Variants in RNF130 observed in about 807,000 individuals in gnomAD.
RNF130 encodes E3 ubiquitin-protein ligase RNF130.
Under a neutral mutation model 44.6 loss-of-function variants are expected in RNF130, and 21 were observed. That is an observed-to-expected ratio of 0.47 (90% CI 0.33 to 0.68). The LOEUF is 0.68. Among genes scored for constraint, RNF130 ranks in the 30% least tolerant of loss-of-function variants. RNF130 has a pLI of 0.02. For missense variants in RNF130, 479 were observed against 560.6 expected (o/e 0.85, Z 1.47); for synonymous variants, 214 against 210.4 (o/e 1.02, Z -0.15).
At chr5:180,007,311 G>A (rs559073217) in intron 3 of RNF130, among the ~76,000 whole-genome samples, 1 of 152,304 alleles carries the variant, frequency 6.6e-6, no homozygotes, top group African/African-American at 2.4e-5. Context: ...TGAGGCAGGA[G>A]AATTGCTTAA....
Position 180,071,676 on chromosome 5 carries a change from A to C in RNF130, c.27T>G (p.Pro9=). 1 of 1,411,818 alleles carries C rather than the reference A, an allele frequency of 7.1e-7. No individual in the cohort carries two copies. Among genetic ancestry groups the C allele is most frequent in the Non-Finnish European group, 9.3e-7 (1 of 1,078,748 alleles). The allele number at this position is 1,411,818 out of a possible 1,614,324, so 87.5% of individuals were successfully genotyped here. A position where few individuals can be genotyped will look rare whatever the true frequency, so the allele number is the denominator to read the frequency against. The change falls in exon 1 of 9, where the codon CCT becomes CCG. Residue 9 remains proline, a synonymous_variant. Transcript: ENST00000521389. MSCAGRAG[P]ARLAALALLT... Reference sequence around the variant, plus strand: ...GCAGGGCGAGCGCGGCGAGCCGGGCAGGGCCCGCCCGCCCCGCGCAGCTCA... The same window carrying C: ...GCAGGGCGAGCGCGGCGAGCCGGGCCGGGCCCGCCCGCCCCGCGCAGCTCA...
chr5:179,911,860 G>T (rs1350709259), exon 8 of RNF130: 2 of 152,216 alleles, frequency 1.3e-5, no homozygotes, highest in Non-Finnish European at 2.9e-5. Flanking sequence ...CACTCTACTT[G>T]TAGGTGTTTG....
intron 6 of RNF130, 64 bp from the exon 7 acceptor site, chr5:179,967,074 A>G (rs1336052105): frequency 4.8e-6 from 7 of 1,462,538 alleles, no homozygotes; most frequent in Admixed American, 1.8e-5. Flanking sequence ...AAGATTCTAA[A>G]AAAGATTCTA....
intron 2 of RNF130, among the ~76,000 whole-genome samples, chr5:180,014,886 T>G (rs1288385205): frequency 6.6e-6 from 1 of 152,078 alleles, no homozygotes; most frequent in Non-Finnish European, 1.5e-5. Context: ...CTCAGGAGGC[T>G]GAGGTGGGAG....
intron 7 of RNF130, among the ~76,000 whole-genome samples, chr5:179,931,997 G>A (rs1312876940): frequency 6.6e-6 from 1 of 152,124 alleles, no homozygotes; most frequent in Non-Finnish European, 1.5e-5. Context: ...GGTCTGCTGT[G>A]TAGTAAATTT....
intron 2 of RNF130, among the ~76,000 whole-genome samples, chr5:180,037,395 C>T (rs979558075): frequency 6.6e-6 from 1 of 152,198 alleles, no homozygotes; most frequent in African/African-American, 2.4e-5. Flanking sequence ...TGGCCCTCCA[C>T]AGAGTCTAGA....
At chr5:180,049,812 A>G (rs1445734377) in intron 1 of RNF130, among the ~76,000 whole-genome samples, 1 of 152,050 alleles carries the variant, frequency 6.6e-6, no homozygotes, top group African/African-American at 2.4e-5. Flanking sequence ...GCTTCTTTAT[A>G]CTTTTTTTCC....
intron 1 of RNF130, among the ~76,000 whole-genome samples, chr5:180,065,040 C>A (rs941759606): frequency 6.6e-6 from 1 of 151,684 alleles, no homozygotes; most frequent in African/African-American, 2.4e-5. Flanking sequence ...AGAAAAAACA[C>A]GCCTTTTTCA....
At chr5:179,960,386 C>A (rs1762299740) in intron 8 of RNF130, among the ~76,000 whole-genome samples, 1 of 152,230 alleles carries the variant, frequency 6.6e-6, no homozygotes, top group South Asian at 2.1e-4. Flanking sequence ...AACAGTATTT[C>A]ATCATAACAG....
intron 2 of RNF130, chr5:180,015,389 C>G (rs769656351): frequency 3.8e-6 from 2 of 529,948 alleles, no homozygotes; most frequent in Admixed American, 1.9e-5. Context: ...ATAATCACAC[C>G]AGGTACAAAC....
At chr5:179,949,759 C>T (rs769508181) in intron 7 of RNF130, among the ~76,000 whole-genome samples, 4 of 152,174 alleles carry the variant, frequency 2.6e-5, no homozygotes, top group Middle Eastern at 3.2e-3. Context: ...CTGCAGCCTG[C>T]GTCGCTTGGC....
At chr5:180,013,769 T>C (rs1763648584) in intron 2 of RNF130, among the ~76,000 whole-genome samples, 2 of 152,210 alleles carry the variant, frequency 1.3e-5, no homozygotes, top group South Asian at 4.1e-4. Context: ...ATAGCATAAA[T>C]TGGTACTTCT....
At chr5:179,963,404 A>G in intron 8 of RNF130, 67 bp downstream of exon 8, 1 of 1,278,616 alleles carries the variant, frequency 7.8e-7, no homozygotes, top group Non-Finnish European at 1.1e-6. Context: ...CACCTTCATG[A>G]AAACTGCTCC....
At chr5:179,982,120 G>A (rs1415086091) in intron 3 of RNF130, among the ~76,000 whole-genome samples, 2 of 151,882 alleles carry the variant, frequency 1.3e-5, no homozygotes, top group Admixed American at 6.6e-5. Flanking sequence ...GCAACATCAT[G>A]AGTTTTACAT....
At chr5:179,933,398 T>TTGTGTGTGTGTGTGTGTGTGTGTG (rs71001060) in intron 7 of RNF130, among the ~76,000 whole-genome samples, 9,901 of 143,320 alleles carry the variant, frequency 0.069, 409 homozygotes, top group Middle Eastern at 0.08. Flanking sequence ...ATAACCCTAT[T>TTGTGTGTGTGTGTGTGTGTGTGTG]TGTGTGTGTG....
At chr5:179,924,859 A>G (rs1390887913) in intron 7 of RNF130, among the ~76,000 whole-genome samples, 1 of 152,176 alleles carries the variant, frequency 6.6e-6, no homozygotes, top group Non-Finnish European at 1.5e-5. Flanking sequence ...TATCCACAGT[A>G]GCCCTCTAAG....
chr5:179,954,630 T>C (rs963233019), downstream of RNF130, among the ~76,000 whole-genome samples: 3 of 152,230 alleles, frequency 2.0e-5, no homozygotes, highest in African/African-American at 7.2e-5. Flanking sequence ...TGGAATCTGA[T>C]AGTGGTGATG....
At chr5:180,062,234 A>AT (rs1348721863) in intron 1 of RNF130, among the ~76,000 whole-genome samples, 3 of 151,598 alleles carry the variant, frequency 2.0e-5, no homozygotes, top group African/African-American at 7.3e-5. Context: ...TTTGTTATTT[A>AT]TTTTTTTAGT....
At chr5:180,040,760 C>A (rs776071209) in intron 1 of RNF130, 113 bp from the exon 2 acceptor site, 2 of 917,414 alleles carry the variant, frequency 2.2e-6, no homozygotes, top group Non-Finnish European at 3.2e-6. Context: ...TGAAGCAGCT[C>A]GCTGCCAGCA....
Sources: gnomAD v4.1 joint callset for allele counts (sites outside exome capture counted in the v4.1 genomes callset) on GRCh38, gnomAD v4.1.1 for gene constraint, MANE v1.5 for transcripts, NCBI Gene and HGNC (gene_info 2026-07-23, HGNC 2026-07-21) for gene names.